The following RANBP17 variants were observed in gnomAD, a reference collection of about 807,000 sequenced individuals.
RANBP17 encodes the protein RAN binding protein 17, also known as ran-binding protein 17.
In RANBP17, 158 loss-of-function variants were observed where a neutral mutation model predicts 141.2. The observed-to-expected ratio is 1.12, with a 90% CI of 0.98 to 1.28. RANBP17 has a LOEUF of 1.28. RANBP17 is among the 50% of genes most tolerant of loss of function. The pLI is 0.00. For missense variants in RANBP17, 1,438 were observed against 1,290.7 expected, an observed-to-expected ratio of 1.11 and a Z score of -1.75; for synonymous variants, 430 against 450.0, an observed-to-expected ratio of 0.96 and a Z score of 0.56.
In RANBP17 at chr5:170,899,244, T is replaced by C. The variant is rs968683065; in HGVS notation, c.489+3129T>C. Among the ~76,000 whole-genome samples, 9 of 152,326 alleles carry C rather than the reference T, an allele frequency of 5.9e-5. No homozygotes were observed. The South Asian group carries it at 1.9e-3, about 32-fold the overall frequency. ...TTGAAGAGGTCCTTTACATCCCTTG[T>C]AAATTGGATTCCTAGGTATTTTATT... On this transcript the variant is annotated intron_variant, in intron 5 of 27. Coordinates refer to ENST00000523189, the MANE Select transcript of RANBP17 (RefSeq NM_022897.5).
At chr5:171,261,090 C>CAAAAAAAAAAAAACAAAAAAA (rs11388391) in intron 24 of RANBP17, among the ~76,000 whole-genome samples, 1 of 68,490 alleles carries the variant, frequency 1.5e-5, no homozygotes, top group Non-Finnish European at 2.5e-5. Flanking sequence ...CCACCCCCCC[C>CAAAAAAAAAAAAACAAAAAAA]AAAAAAAAAA....
At chr5:170,987,954 A>G (rs1778260155) in intron 14 of RANBP17, among the ~76,000 whole-genome samples, 1 of 151,588 alleles carries the variant, frequency 6.6e-6, no homozygotes, top group African/African-American at 2.4e-5. Context: ...CAAATATACC[A>G]TTATTTGACA....
At chr5:171,021,629 A>T (rs1262497791) in intron 14 of RANBP17, among the ~76,000 whole-genome samples, 1 of 152,092 alleles carries the variant, frequency 6.6e-6, no homozygotes, top group Non-Finnish European at 1.5e-5. Context: ...CAGGTCATTT[A>T]TGTTCCTGTC....
intron 22 of RANBP17, among the ~76,000 whole-genome samples, chr5:171,228,324 T>C (rs779011756): frequency 1.3e-5 from 2 of 152,128 alleles, no homozygotes; most frequent in Non-Finnish European, 2.9e-5. Context: ...GTTCAAGACT[T>C]CAGGGGAGAA....
intron 5 of RANBP17, among the ~76,000 whole-genome samples, chr5:170,907,626 T>TG (rs1297065615): frequency 6.6e-6 from 1 of 151,986 alleles, no homozygotes; most frequent in African/African-American, 2.4e-5. Flanking sequence ...CATATAAACT[T>TG]GAATTTCTCA....
chr5:171,084,061 C>T (rs1004752416), intron 14 of RANBP17, among the ~76,000 whole-genome samples: 4 of 149,796 alleles, frequency 2.7e-5, no homozygotes, highest in Non-Finnish European at 4.4e-5. Flanking sequence ...GCTGCACCCA[C>T]TAACTCGTCA....
chr5:171,160,002 G>A (rs1325329079), intron 14 of RANBP17, among the ~76,000 whole-genome samples: 1 of 149,000 alleles, frequency 6.7e-6, no homozygotes, highest in African/African-American at 2.5e-5. Flanking sequence ...GGAAAACTTT[G>A]ATAACTTATT....
At chr5:170,918,562 C>CT (rs1772167741) in intron 9 of RANBP17, 151 bp from the exon 10 acceptor site, 7 of 501,216 alleles carry the variant, frequency 1.4e-5, no homozygotes, top group Non-Finnish European at 2.0e-5. Context: ...AAGAATCCCT[C>CT]TATTTTTTTA....
At chr5:171,298,563 G>C (rs1549631) in intron 27 of RANBP17, among the ~76,000 whole-genome samples, 199 bp from the exon 28 acceptor site, 1 of 152,224 alleles carries the variant, frequency 6.6e-6, no homozygotes, top group Admixed American at 6.5e-5. Context: ...TTTCCAGGAA[G>C]AGATGAGGGG....
intron 22 of RANBP17, among the ~76,000 whole-genome samples, chr5:171,225,343 A>G (rs1763822344): frequency 6.6e-6 from 1 of 152,266 alleles, no homozygotes; most frequent in African/African-American, 2.4e-5. Context: ...TGACTTTGAT[A>G]CATGCACTTT....
chr5:170,950,357 G>A (rs1190201210), intron 12 of RANBP17, among the ~76,000 whole-genome samples: 1 of 151,134 alleles, frequency 6.6e-6, no homozygotes, highest in African/African-American at 2.4e-5. Context: ...GAATATGCAA[G>A]GATCACAAAT....
At chr5:170,909,578 CTTT>C (rs386405668) in intron 5 of RANBP17, 80 bp from the exon 6 acceptor site, 292 of 240,152 alleles carry the variant, frequency 1.2e-3, no homozygotes, top group African/African-American at 1.3e-3. Context: ...AGTTTATTTC[CTTT>C]TTTTTTTTTT....
chr5:171,247,848 G>A (rs910362592), intron 24 of RANBP17, among the ~76,000 whole-genome samples: 1 of 152,160 alleles, frequency 6.6e-6, no homozygotes, highest in Non-Finnish European at 1.5e-5. Flanking sequence ...CTAGTGGGAA[G>A]AGATAAGCAA....
intron 14 of RANBP17, among the ~76,000 whole-genome samples, chr5:171,079,783 G>A (rs1349202313): frequency 6.6e-6 from 1 of 152,208 alleles, no homozygotes; most frequent in Non-Finnish European, 1.5e-5. Context: ...ATGTAAACAT[G>A]TAAATGCAAC....
intron 13 of RANBP17, among the ~76,000 whole-genome samples, chr5:170,966,130 A>G (rs1776542582): frequency 6.6e-6 from 1 of 152,068 alleles, no homozygotes; most frequent in Non-Finnish European, 1.5e-5. Flanking sequence ...AGGAACTGGT[A>G]CCATTCCTTC....
intron 14 of RANBP17, among the ~76,000 whole-genome samples, chr5:171,017,057 A>G (rs1780486660): frequency 6.6e-6 from 1 of 152,096 alleles, no homozygotes; most frequent in South Asian, 2.1e-4. Context: ...TTCCAGCTTC[A>G]TCCCATGTCC....
chr5:170,970,410 C>G (rs1776901003), intron 14 of RANBP17: 1 of 152,102 alleles, frequency 6.6e-6, no homozygotes, highest in African/African-American at 2.4e-5. Flanking sequence ...TTCCCAATCT[C>G]TTTTCGGCAT....
intron 14 of RANBP17, among the ~76,000 whole-genome samples, chr5:171,113,287 G>C (rs1053180556): frequency 6.6e-6 from 1 of 152,058 alleles, no homozygotes; most frequent in Non-Finnish European, 1.5e-5. Context: ...ATTATTACCC[G>C]TGCTACTACA....
intron 14 of RANBP17, among the ~76,000 whole-genome samples, chr5:171,025,160 T>C (rs1781148426): frequency 6.6e-6 from 1 of 152,232 alleles, no homozygotes; most frequent in African/African-American, 2.4e-5. Flanking sequence ...TAGTCCAAGC[T>C]GCCTTTCCAT....
Sources: gnomAD v4.1 joint callset for allele counts (sites outside exome capture counted in the v4.1 genomes callset) on GRCh38, gnomAD v4.1.1 for gene constraint, MANE v1.5 for transcripts, NCBI Gene and HGNC (gene_info 2026-07-23, HGNC 2026-07-21) for gene names.